The following VPS37A variants were observed in gnomAD, a reference collection of about 807,000 sequenced individuals.
VPS37A encodes the protein vacuolar protein sorting-associated protein 37A.
Under a neutral mutation model 49.8 loss-of-function variants are expected in VPS37A, and 30 were observed. That is an observed-to-expected ratio of 0.60 (90% CI 0.45 to 0.82). The LOEUF is 0.82. Among genes scored for constraint, VPS37A ranks in the 40% least tolerant of loss-of-function variants. VPS37A has a pLI of 0.00. For synonymous variants in VPS37A, 195 were observed against 160.6 expected (o/e 1.21, Z -1.62); for missense variants, 593 against 464.4 (o/e 1.28, Z -2.55).
At chr8:17,257,347 T>G (rs1229818862) in intron 1 of VPS37A, among the ~76,000 whole-genome samples, 1 of 152,216 alleles carries the variant, frequency 6.6e-6, no homozygotes, top group Non-Finnish European at 1.5e-5. Flanking sequence ...GCTGGATAGA[T>G]AGTGTGATGC....
the VPS37A span, among the ~76,000 whole-genome samples, chr8:17,316,954 T>G: frequency 6.6e-6 from 1 of 152,208 alleles, no homozygotes; most frequent in African/African-American, 2.4e-5. Flanking sequence ...CAGTGGTTTA[T>G]GCTCTCACCA....
chr8:17,333,224 G>A, the VPS37A span, among the ~76,000 whole-genome samples: 2 of 152,086 alleles, frequency 1.3e-5, no homozygotes, highest in African/African-American at 2.4e-5. Flanking sequence ...AGAATAAAGA[G>A]TTTGGCCTTA....
At chr8:17,311,331 A>T in the VPS37A span, among the ~76,000 whole-genome samples, 1 of 152,162 alleles carries the variant, frequency 6.6e-6, no homozygotes, top group Non-Finnish European at 1.5e-5. Context: ...CTTTATTCCA[A>T]GCCTTCCCCT....
At chr8:17,323,253 A>G in the VPS37A span, among the ~76,000 whole-genome samples, 1 of 151,996 alleles carries the variant, frequency 6.6e-6, no homozygotes, top group South Asian at 2.1e-4. Flanking sequence ...AGCCAACAGA[A>G]TTATCTTGAT....
At chr8:17,255,064 A>G (rs1812314622) in intron 1 of VPS37A, among the ~76,000 whole-genome samples, 1 of 152,234 alleles carries the variant, frequency 6.6e-6, no homozygotes, top group South Asian at 2.1e-4. Flanking sequence ...TCAGAGCACA[A>G]AACACCCCAT....
chr8:17,288,829 C>G (rs867594456), intron 11 of VPS37A, among the ~76,000 whole-genome samples: 4 of 152,206 alleles, frequency 2.6e-5, no homozygotes, highest in Non-Finnish European at 4.4e-5. Context: ...AATTTACACT[C>G]CCACCAACAG....
the VPS37A span, chr8:17,311,495 C>T: frequency 1.9e-6 from 3 of 1,613,990 alleles, no homozygotes; most frequent in Non-Finnish European, 8.5e-7. Flanking sequence ...GGGAATCGCC[C>T]AGTGGCCACA....
rs1400814677 is a variant in VPS37A, at chr8:17,247,280, C to T, written c.36C>T (p.Ser12=). 2 of 1,567,588 alleles carry T rather than the reference C, an allele frequency of 1.3e-6. No individual in the cohort carries two copies. Among genetic ancestry groups the T allele is most frequent in the African/African-American group, 1.4e-5 (1 of 73,694 alleles). ...TTTTTCCCCTGACCAAGAGCGCCTCCTCCTCCGCGGCTGGGTCCCCCGGTG... is the reference window on the plus strand; with the variant it reads ...TTTTTCCCCTGACCAAGAGCGCCTCTTCCTCCGCGGCTGGGTCCCCCGGTG... The part of the protein sequence containing the change: ...SWLFPLTKSA[S]SSAAGSPGGL... The change falls in exon 1 of 12, where the codon TCC becomes TCT. Residue 12 remains serine, a synonymous_variant. Coordinates refer to ENST00000324849, the MANE Select transcript of VPS37A (RefSeq NM_152415.3).
At position 17,280,417 on chromosome 8, in the gene VPS37A, A is replaced by T. The variant is rs1563276410; in HGVS notation, c.943A>T (p.Met315Leu). 2 of 1,608,880 alleles carry T rather than the reference A, an allele frequency of 1.2e-6. No homozygotes were observed. The highest frequency in any genetic ancestry group is 1.7e-6 in the Non-Finnish European group (2 of 1,178,298). The change falls in exon 9 of 12, where the codon ATG becomes TTG. Residue 315 changes from methionine (M) to leucine (L), a missense_variant. Transcript: ENST00000324849. ...TQMKSTFEKKMQRQHELSESC... is the reference protein window; with the variant it reads ...TQMKSTFEKKLQRQHELSESC... ...GATGAAGTCCACTTTCGAAAAGAAG[A>T]TGCAAAGGCAGCATGAACTTAGTGA...
At chr8:17,281,548 C>G (rs1815053483) in intron 9 of VPS37A, among the ~76,000 whole-genome samples, 1 of 151,940 alleles carries the variant, frequency 6.6e-6, no homozygotes, top group African/African-American at 2.4e-5. Context: ...CTCACAATTA[C>G]TACACATTTC....
intron 3 of VPS37A, 105 bp from the exon 4 acceptor site, chr8:17,268,751 C>A (rs1813705678): frequency 3.9e-6 from 3 of 772,564 alleles, no homozygotes; most frequent in Non-Finnish European, 6.3e-6. Context: ...TCATTTAATT[C>A]TTGACCTGCA....
chr8:17,310,119 G>A, the VPS37A span, among the ~76,000 whole-genome samples: 1 of 151,972 alleles, frequency 6.6e-6, no homozygotes, highest in Non-Finnish European at 1.5e-5. Context: ...TCCCACCTCA[G>A]CCCAAGTAGC....
chr8:17,316,673 C>CA, the VPS37A span, among the ~76,000 whole-genome samples: 4 of 152,092 alleles, frequency 2.6e-5, no homozygotes, highest in East Asian at 7.7e-4. Context: ...AACAATACAA[C>CA]AAAAAATAAT....
At chr8:17,255,405 T>C (rs888686007) in intron 1 of VPS37A, among the ~76,000 whole-genome samples, 1 of 152,054 alleles carries the variant, frequency 6.6e-6, no homozygotes, top group Non-Finnish European at 1.5e-5. Flanking sequence ...CACGTGAACC[T>C]GGGAGGCAGA....
chr8:17,305,867 G>A, downstream of VPS37A: 1 of 1,613,624 alleles, frequency 6.2e-7, no homozygotes, highest in Non-Finnish European at 8.5e-7. Context: ...CAAAGGCACA[G>A]GGAAATTGTT....
chr8:17,248,490 G>A (rs1193785095), intron 1 of VPS37A: 1 of 405,594 alleles, frequency 2.5e-6, no homozygotes, highest in Admixed American at 2.7e-5. Context: ...TGGTCAGGCT[G>A]GTCTCGAACT....
chr8:17,325,961 C>T, the VPS37A span, among the ~76,000 whole-genome samples: 1 of 152,196 alleles, frequency 6.6e-6, no homozygotes, highest in South Asian at 2.1e-4. Context: ...CCACCTTACA[C>T]TGGAAAGCAC....
rs765754912 is a variant in VPS37A, at chr8:17,295,748, C to G, written c.*762C>G. On this transcript the variant is annotated 3_prime_UTR_variant, in exon 12 of 12. Transcript: ENST00000324849. ...GTGGTTGGATAGGTTTTCTAAATTC[C>G]TAATGTTAAAAACAATCTTTATGTT... is the stretch of plus-strand genomic sequence containing the variant. 1.3e-5 allele frequency: 2 copies of G among 151,992 alleles called. No homozygotes were observed. The highest frequency in any genetic ancestry group is 2.1e-4 in the South Asian group (1 of 4,828). The allele number at this position is 151,992 out of a possible 1,614,324, so 9.4% of individuals were successfully genotyped here. A position where few individuals can be genotyped will look rare whatever the true frequency, so the allele number is the denominator to read the frequency against.
At chr8:17,321,053 TA>T in the VPS37A span, among the ~76,000 whole-genome samples, 1 of 152,188 alleles carries the variant, frequency 6.6e-6, no homozygotes, top group Non-Finnish European at 1.5e-5. Context: ...GGCTTAGGGC[TA>T]GTTAGCATTC....
Sources: gnomAD v4.1 joint callset for allele counts (sites outside exome capture counted in the v4.1 genomes callset) on GRCh38, gnomAD v4.1.1 for gene constraint, MANE v1.5 for transcripts, NCBI Gene and HGNC (gene_info 2026-07-23, HGNC 2026-07-21) for gene names.